The following GAPVD1 variants were observed in gnomAD, a reference collection of about 807,000 sequenced individuals.
The protein encoded by GAPVD1 is GTPase activating protein and VPS9 domains 1.
A neutral mutation model predicts 155.5 loss-of-function variants in GAPVD1; 35 were observed. The ratio of observed to expected loss-of-function variants is 0.23; its 90% CI spans 0.17 to 0.30. GAPVD1 has a LOEUF of 0.30. Ranked by LOEUF, GAPVD1 falls within the 10% of genes least tolerant of loss-of-function variation. The probability of loss-of-function intolerance (pLI) is 1.00; values close to 1 mark genes in which losing one functional copy is unlikely to be tolerated. For missense variants in GAPVD1, 1,429 were observed against 1,775.7 expected (o/e 0.80, Z 3.51); for synonymous variants, 636 against 619.7 (o/e 1.03, Z -0.39).
chr9:125,325,959 C>T (rs1845110157), intron 11 of GAPVD1, among the ~76,000 whole-genome samples: 1 of 152,152 alleles, frequency 6.6e-6, no homozygotes, highest in South Asian at 2.1e-4. Flanking sequence ...CTATCACATC[C>T]AGGACATGAA....
intron 5 of GAPVD1, chr9:125,304,087 T>G (rs1052816917): frequency 1.3e-5 from 2 of 152,148 alleles, no homozygotes; most frequent in Non-Finnish European, 2.9e-5. Context: ...TGAGATAGTC[T>G]CACTCTGTCA....
chr9:125,342,975 A>G (rs978824145), intron 19 of GAPVD1, among the ~76,000 whole-genome samples: 1 of 152,176 alleles, frequency 6.6e-6, no homozygotes. Context: ...CACATTATGA[A>G]TGAGCACCCT....
chr9:125,348,623 C>T (rs996260010), intron 20 of GAPVD1, among the ~76,000 whole-genome samples: 4 of 152,058 alleles, frequency 2.6e-5, no homozygotes, highest in African/African-American at 9.7e-5. Context: ...AGCAACTCTC[C>T]TGCCTCGACC....
intron 23 of GAPVD1, among the ~76,000 whole-genome samples, chr9:125,353,023 G>A (rs531272503): frequency 1.3e-5 from 2 of 151,970 alleles, no homozygotes; most frequent in Admixed American, 6.6e-5. Flanking sequence ...CAGGAGAATC[G>A]CTTGAACCTG....
At position 125,359,514 on chromosome 9, in the gene GAPVD1, T is replaced by C. The variant is rs766977506; in HGVS notation, c.4044+22T>C. The C allele has an allele frequency of 3.4e-6, 4 of 1,181,934 alleles. No homozygotes were observed. In the East Asian group the frequency reaches 7.0e-5, roughly 21 times the overall value. The allele number at this position is 1,181,934 out of a possible 1,614,324, so 73.2% of individuals were successfully genotyped here. The stretch of plus-strand genomic sequence containing the variant: ...AGAGGTAATACAGGTTTATATAGCA[T>C]GGGTAATGTTAACTAAATGCTGCGT... On this transcript the variant is annotated intron_variant, in intron 26 of 27. Transcript: ENST00000297933.
intron 8 of GAPVD1, 26 bp from the exon 9 acceptor site, chr9:125,312,421 CTAAAT>C (rs780732905): frequency 1.4e-5 from 20 of 1,436,534 alleles, no homozygotes; most frequent in Admixed American, 4.8e-5. Context: ...GTCTATTTCT[CTAAAT>C]TATTTTATTT....
At chr9:125,299,792 G>A (rs1432977512) in intron 4 of GAPVD1, among the ~76,000 whole-genome samples, 1 of 150,044 alleles carries the variant, frequency 6.7e-6, no homozygotes, top group African/African-American at 2.5e-5. Context: ...AGGCCGAGGT[G>A]GGTGGATCAC....
intron 6 of GAPVD1, among the ~76,000 whole-genome samples, chr9:125,306,652 C>T (rs776321971): frequency 3.3e-5 from 5 of 152,136 alleles, no homozygotes; most frequent in African/African-American, 4.8e-5. Flanking sequence ...GCCACCACAC[C>T]TGGCTAATTT....
At chr9:125,353,758 A>G (rs908185337) in intron 23 of GAPVD1, among the ~76,000 whole-genome samples, 1 of 152,214 alleles carries the variant, frequency 6.6e-6, no homozygotes, top group African/African-American at 2.4e-5. Flanking sequence ...GAGACTTAGT[A>G]TCACGAGAAC....
chr9:125,362,144 G>T (rs1399798119), intron 27 of GAPVD1, among the ~76,000 whole-genome samples: 2 of 152,084 alleles, frequency 1.3e-5, no homozygotes, highest in Non-Finnish European at 2.9e-5. Context: ...CATGAAAAAG[G>T]TAAAAAAAAT....
intron 3 of GAPVD1, among the ~76,000 whole-genome samples, chr9:125,295,842 T>C (rs1475161266): frequency 6.6e-6 from 1 of 152,192 alleles, no homozygotes; most frequent in Non-Finnish European, 1.5e-5. Flanking sequence ...GTTCTCTTTC[T>C]ATCTTGAACA....
intron 2 of GAPVD1, among the ~76,000 whole-genome samples, chr9:125,288,112 ATTT>A (rs368994271): frequency 8.7e-6 from 1 of 115,290 alleles, no homozygotes; most frequent in Non-Finnish European, 1.9e-5. Context: ...ATTTTAGTTA[ATTT>A]TTTTTTTTTT....
At chr9:125,283,032 A>G (rs886183447) in intron 2 of GAPVD1, among the ~76,000 whole-genome samples, 1 of 133,794 alleles carries the variant, frequency 7.5e-6, no homozygotes, top group Non-Finnish European at 1.6e-5. Flanking sequence ...TTTTATTTTT[A>G]TTTATTTATT....
chr9:125,302,448 A>T lies in GAPVD1; in HGVS notation c.651A>T (p.Thr217=). 1 of 1,613,794 alleles carries T rather than the reference A, an allele frequency of 6.2e-7. No individual in the cohort carries two copies. Residue 217 remains threonine (T), a synonymous_variant, in exon 5 of 28, where the codon ACA becomes ACT. Coordinates refer to ENST00000297933, the MANE Select transcript of GAPVD1 (RefSeq NM_001282680.3). ...LLVEDEDHLE[T]DPNKLIERFS... is the part of the protein sequence containing the mutation. ...TTGAAGATGAAGATCACCTGGAAAC[A>T]GATCCAAACAAGCTAATTGAGAGGT...
At chr9:125,318,769 T>A (rs62581369) in intron 9 of GAPVD1, among the ~76,000 whole-genome samples, 65 of 151,578 alleles carry the variant, frequency 4.3e-4, no homozygotes, top group Non-Finnish European at 8.0e-4. Flanking sequence ...TAAAAAAATT[T>A]CCAGGGATGG....
chr9:125,325,231 A>G (rs978798303), intron 11 of GAPVD1, among the ~76,000 whole-genome samples: 3 of 150,328 alleles, frequency 2.0e-5, no homozygotes, highest in East Asian at 3.9e-4. Flanking sequence ...ATTGAAAAAA[A>G]AAAAGATGGG....
intron 25 of GAPVD1, among the ~76,000 whole-genome samples, chr9:125,356,157 G>C (rs1446331244): frequency 6.6e-6 from 1 of 152,164 alleles, no homozygotes; most frequent in Non-Finnish European, 1.5e-5. Flanking sequence ...TTATGCTTCA[G>C]GTCTTGACTT....
At position 125,355,728 on chromosome 9, in the gene GAPVD1, A is replaced by C. The variant is rs1231538589; in HGVS notation, c.3842A>C (p.Asp1281Ala). The C allele has an allele frequency of 6.2e-7, 1 of 1,613,456 alleles. No homozygotes were observed. The highest frequency in any genetic ancestry group is 1.1e-5 in the South Asian group (1 of 91,062). ...TTTCTTTATGGTGCAATGGCCCAGG[A>C]TGTCATATGGCAAAACGCGAGTGAA... ...LQFLYGAMAQ[D>A]VIWQNASEEQ... The change falls in exon 25 of 28, where the codon GAT becomes GCT. Residue 1281 changes from aspartate (D) to alanine (A), a missense_variant. Asp to Ala is a moderately radical substitution (Grantham distance 126). Coordinates refer to ENST00000297933, the MANE Select transcript of GAPVD1 (RefSeq NM_001282680.3).
Position 125,362,746 on chromosome 9 carries a change from A to G in GAPVD1, c.4383A>G (p.Ter1461TrpextTer12), listed in dbSNP as rs1851121688. ...EFIKTIDDRK* is the reference protein window; with the variant it reads ...EFIKTIDDRKW ...TTAAAACCATCGATGACCGAAAGTG[A>G]CCAAGACCAAGGCCCACCAAGGCAG... is the stretch of plus-strand genomic sequence containing the variant. Residue 1461 changes from the stop codon to tryptophan (W), a stop_lost, in exon 28 of 28, where the codon TGA (stop) becomes TGG (tryptophan). Transcript: ENST00000297933. The G allele has an allele frequency of 1.9e-6, 3 of 1,613,084 alleles. No individual in the cohort carries two copies. In the South Asian group the frequency reaches 3.3e-5, roughly 18 times the overall value.
Sources: gnomAD v4.1 joint callset for allele counts (sites outside exome capture counted in the v4.1 genomes callset) on GRCh38, gnomAD v4.1.1 for gene constraint, MANE v1.5 for transcripts, NCBI Gene and HGNC (gene_info 2026-07-23, HGNC 2026-07-21) for gene names.